Variants in TRIO observed in about 807,000 individuals in gnomAD.
TRIO encodes triple functional domain protein.
TRIO carries 58 observed loss-of-function variants against 351.9 expected under a neutral mutation model. That is an observed-to-expected ratio of 0.16 (90% CI 0.13 to 0.21). TRIO has a LOEUF of 0.21. TRIO is among the 10% of genes least tolerant of loss of function. The probability of loss-of-function intolerance (pLI) is 1.00; values close to 1 mark genes in which losing one functional copy is unlikely to be tolerated. For missense variants in TRIO, 3,201 were observed against 4,027.8 expected (o/e 0.79, Z 5.56); for synonymous variants, 1,758 against 1,595.7 (o/e 1.10, Z -2.42).
intron 38 of TRIO, among the ~76,000 whole-genome samples, chr5:14,471,906 C>A (rs1217799519): frequency 1.3e-5 from 2 of 151,670 alleles, no homozygotes; most frequent in South Asian, 4.2e-4. Context: ...TTTAAACTTG[C>A]CTTTGGAGAA....
chr5:14,164,508 A>C (rs1036873394), intron 1 of TRIO, among the ~76,000 whole-genome samples: 1 of 152,220 alleles, frequency 6.6e-6, no homozygotes, highest in Non-Finnish European at 1.5e-5. Flanking sequence ...GACTGATGGT[A>C]GTATTTGTTC....
chr5:14,496,074 A>G (rs1181337912), intron 49 of TRIO, among the ~76,000 whole-genome samples: 2 of 152,224 alleles, frequency 1.3e-5, no homozygotes, highest in African/African-American at 2.4e-5. Flanking sequence ...AAACAGTACA[A>G]TTCACTGATG....
chr5:14,166,726 T>A (rs899086158), intron 1 of TRIO, among the ~76,000 whole-genome samples: 5 of 152,178 alleles, frequency 3.3e-5, no homozygotes, highest in African/African-American at 9.7e-5. Context: ...GTGGTAACTA[T>A]TGAGCCAGCA....
At chr5:14,308,008 C>G (rs1020567496) in intron 8 of TRIO, among the ~76,000 whole-genome samples, 1 of 152,060 alleles carries the variant, frequency 6.6e-6, no homozygotes, top group Non-Finnish European at 1.5e-5. Flanking sequence ...TTGATATGTC[C>G]TTATTGTCCT....
intron 11 of TRIO, among the ~76,000 whole-genome samples, chr5:14,350,063 T>C (rs116734850): frequency 2.6e-4 from 39 of 152,320 alleles, no homozygotes; most frequent in Non-Finnish European, 5.3e-4. Flanking sequence ...ATCTTTCTTT[T>C]TTATGACTGC....
intron 19 of TRIO, among the ~76,000 whole-genome samples, 191 bp downstream of exon 19, chr5:14,374,534 T>C (rs1486570402): frequency 6.6e-6 from 1 of 152,228 alleles, no homozygotes; most frequent in Non-Finnish European, 1.5e-5. Context: ...GTTGATATTA[T>C]ATTGAATAGG....
chr5:14,359,447 G>A lies in TRIO; in HGVS notation c.2307G>A (p.Ser769=), dbSNP rs200525310. 158 of 1,614,280 alleles carry A rather than the reference G, an allele frequency of 9.8e-5. No individual in the cohort carries two copies. The East Asian group carries it at 1.2e-3, about 13-fold the overall frequency. The part of the protein sequence containing the change: ...TVLQQLDEAQ[S]QMEELFQERK... ...TGCAGCAGCTGGACGAGGCGCAGTC[G>A]CAGATGGAGGAGCTCTTCCAGGAGC... Residue 769 remains serine (S), a synonymous_variant, in exon 13 of 57, where the codon TCG becomes TCA. Coordinates refer to ENST00000344204, the MANE Select transcript of TRIO (RefSeq NM_007118.4).
rs573712806 is a variant in TRIO at position 14,325,185 on chromosome 5, T to G, written c.1732-5593T>G. ...TTACATTGGTTTTCACATCGTATGTTGTTGTGAGGTAGGCTTTGAAATACT... is the reference window on the plus strand; with the variant it reads ...TTACATTGGTTTTCACATCGTATGTGGTTGTGAGGTAGGCTTTGAAATACT... On this transcript the variant is annotated intron_variant, in intron 9 of 56. Coordinates refer to ENST00000344204, the MANE Select transcript of TRIO (RefSeq NM_007118.4). Among the ~76,000 whole-genome samples the G allele has an allele frequency of 6.6e-5, 10 of 152,328 alleles. No individual in the cohort carries two copies. In the South Asian group the frequency reaches 2.1e-3, roughly 32 times the overall value.
At chr5:14,490,217 T>TG (rs769034465) in intron 48 of TRIO, among the ~76,000 whole-genome samples, 6 of 152,220 alleles carry the variant, frequency 3.9e-5, no homozygotes, top group Non-Finnish European at 8.8e-5. Context: ...AGGCAGTGGT[T>TG]GCAGTGAGCC....
chr5:14,454,208 C>T lies in TRIO; in HGVS notation c.5204-6811C>T, dbSNP rs147188704. 4.9e-3 allele frequency among the ~76,000 whole-genome samples: 744 copies of T among 152,252 alleles called. 7 individuals carry two copies. Among genetic ancestry groups the T allele is most frequent in the African/African-American group, 0.016 (660 of 41,556 alleles). On this transcript the variant is annotated intron_variant, in intron 34 of 56. Coordinates refer to ENST00000344204, the MANE Select transcript of TRIO (RefSeq NM_007118.4). ...CCTCCCAAAGTGCTGGGATTACAGGCGTGAGCCACCGTGCCCTGCCCAGAT... is the reference window on the plus strand; with the variant it reads ...CCTCCCAAAGTGCTGGGATTACAGGTGTGAGCCACCGTGCCCTGCCCAGAT...
At chr5:14,176,254 G>A (rs1022777710) in intron 1 of TRIO, among the ~76,000 whole-genome samples, 2 of 152,068 alleles carry the variant, frequency 1.3e-5, no homozygotes, top group Non-Finnish European at 2.9e-5. Context: ...GGCGGATCAC[G>A]AGGTCAGGAG....
chr5:14,361,365 GC>G (rs2152338551), intron 13 of TRIO, among the ~76,000 whole-genome samples: 1 of 152,302 alleles, frequency 6.6e-6, no homozygotes, highest in South Asian at 2.1e-4. Context: ...GAGCCAGTGT[GC>G]CACAGCCTGG....
chr5:14,448,751 A>T (rs1348750854), intron 34 of TRIO, among the ~76,000 whole-genome samples: 4 of 148,290 alleles, frequency 2.7e-5, no homozygotes, highest in Non-Finnish European at 6.0e-5. Context: ...TTTATATGGA[A>T]TTTTTTTTTT....
intron 34 of TRIO, among the ~76,000 whole-genome samples, chr5:14,423,598 A>G (rs1315649367): frequency 1.3e-5 from 2 of 152,156 alleles, no homozygotes; most frequent in African/African-American, 2.4e-5. Context: ...GCCCTACACA[A>G]TGGTCCCTGG....
chr5:14,507,373 A>G, intron 56 of TRIO, 113 bp downstream of exon 56: 1 of 1,479,288 alleles, frequency 6.8e-7, no homozygotes, highest in Non-Finnish European at 9.0e-7. Context: ...CTAGGGACAA[A>G]AAGGGTGGGT....
At chr5:14,379,133 C>T (rs1443307003) in intron 20 of TRIO, among the ~76,000 whole-genome samples, 1 of 152,080 alleles carries the variant, frequency 6.6e-6, no homozygotes, top group South Asian at 2.1e-4. Flanking sequence ...AGGTGATTCC[C>T]CCAGCGTCTG....
At chr5:14,484,037 C>G (rs1171133316) in intron 46 of TRIO, among the ~76,000 whole-genome samples, 1 of 151,940 alleles carries the variant, frequency 6.6e-6, no homozygotes, top group Non-Finnish European at 1.5e-5. Context: ...CTGAGAACCA[C>G]CCATCCCCTG....
At chr5:14,179,713 G>A (rs1789634924) in intron 1 of TRIO, among the ~76,000 whole-genome samples, 1 of 152,028 alleles carries the variant, frequency 6.6e-6, no homozygotes, top group Non-Finnish European at 1.5e-5. Flanking sequence ...TGGAATTATA[G>A]GCATGAGCCA....
At chr5:14,192,311 A>T (rs1211379841) in intron 1 of TRIO, among the ~76,000 whole-genome samples, 1 of 143,222 alleles carries the variant, frequency 7.0e-6, no homozygotes, top group African/African-American at 2.7e-5. Context: ...CCAGGGTGGG[A>T]TGCAGAGGTG....
Sources: gnomAD v4.1 joint callset for allele counts (sites outside exome capture counted in the v4.1 genomes callset) on GRCh38, gnomAD v4.1.1 for gene constraint, MANE v1.5 for transcripts, NCBI Gene and HGNC (gene_info 2026-07-23, HGNC 2026-07-21) for gene names.